The following PRPSAP1 variants were observed in gnomAD, a reference collection of about 807,000 sequenced individuals.
PRPSAP1 encodes the protein phosphoribosyl pyrophosphate synthase-associated protein 1.
A neutral mutation model predicts 39.4 loss-of-function variants in PRPSAP1; 31 were observed. The ratio of observed to expected loss-of-function variants is 0.79; its 90% CI spans 0.59 to 1.06. The LOEUF (loss-of-function observed/expected upper bound fraction) is 1.06. Ranked by LOEUF, PRPSAP1 falls within the 50% of genes least tolerant of loss-of-function variation. PRPSAP1 has a pLI of 0.00. For missense variants in PRPSAP1, 430 were observed against 511.6 expected (o/e 0.84, Z 1.54); for synonymous variants, 212 against 192.6 (o/e 1.10, Z -0.83).
intron 8 of PRPSAP1, 147 bp from the exon 9 acceptor site, chr17:76,313,163 G>T: frequency 1.8e-6 from 2 of 1,084,136 alleles, no homozygotes; most frequent in Non-Finnish European, 2.5e-6. Flanking sequence ...CAAAGAACGA[G>T]CATCCAGAAA....
At chr17:76,335,032 C>A (rs1280221563) in intron 3 of PRPSAP1, among the ~76,000 whole-genome samples, 3 of 152,202 alleles carry the variant, frequency 2.0e-5, no homozygotes, top group African/African-American at 7.2e-5. Flanking sequence ...ACTCATTCTT[C>A]CCAAGAAGGA....
intron 7 of PRPSAP1, among the ~76,000 whole-genome samples, chr17:76,326,532 A>C (rs926519170): frequency 6.6e-6 from 1 of 152,182 alleles, no homozygotes; most frequent in Non-Finnish European, 1.5e-5. Flanking sequence ...GCATAACCTG[A>C]ATCTAATCCT....
At chr17:76,327,768 A>G (rs1288599008) in intron 7 of PRPSAP1, among the ~76,000 whole-genome samples, 1 of 152,022 alleles carries the variant, frequency 6.6e-6, no homozygotes, top group African/African-American at 2.4e-5. Flanking sequence ...ACCATCACAC[A>G]TACAACTTTT....
intron 3 of PRPSAP1, among the ~76,000 whole-genome samples, chr17:76,344,425 A>T (rs949498493): frequency 1.3e-5 from 2 of 150,606 alleles, no homozygotes; most frequent in Admixed American, 1.3e-4. Flanking sequence ...CATCGTGCCC[A>T]GCCAGCAATT....
intron 9 of PRPSAP1, 74 bp downstream of exon 9, chr17:76,312,796 A>G (rs913157178): frequency 3.3e-6 from 5 of 1,536,174 alleles, no homozygotes; most frequent in African/African-American, 2.8e-5. Flanking sequence ...GCAATTTAGT[A>G]TTGACTGAAT....
chr17:76,317,127 A>G (rs949192040), intron 7 of PRPSAP1, among the ~76,000 whole-genome samples: 2 of 152,210 alleles, frequency 1.3e-5, no homozygotes, highest in Non-Finnish European at 2.9e-5. Flanking sequence ...ACTTTGGCAG[A>G]TCACCTGAGG....
intron 3 of PRPSAP1, among the ~76,000 whole-genome samples, chr17:76,339,126 T>C (rs2071408722): frequency 6.6e-6 from 1 of 151,814 alleles, no homozygotes; most frequent in Non-Finnish European, 1.5e-5. Context: ...GTTTATTGAC[T>C]GGGCACGGTG....
Position 76,311,425 on chromosome 17 carries a change from A to C in PRPSAP1, c.*117T>G. On this transcript the variant is annotated 3_prime_UTR_variant, in exon 10 of 10. Transcript: ENST00000446526. ...CCTCCCCATCAATCCGGGCAAAAGA[A>C]GATATCTAACTCCAGGCTGTTTCGA... The C allele has an allele frequency of 1.7e-6, 2 of 1,147,726 alleles. No individual in the cohort carries two copies. Among genetic ancestry groups the C allele is most frequent in the Non-Finnish European group, 2.4e-6 (2 of 833,192 alleles). The allele number at this position is 1,147,726 out of a possible 1,614,324, so 71.1% of individuals were successfully genotyped here.
chr17:76,321,172 T>C (rs1567799664), intron 7 of PRPSAP1, among the ~76,000 whole-genome samples: 1 of 152,198 alleles, frequency 6.6e-6, no homozygotes, highest in Non-Finnish European at 1.5e-5. Context: ...TTTCTCATTA[T>C]TGTTACGTCT....
chr17:76,338,762 G>C (rs572287489), intron 3 of PRPSAP1, among the ~76,000 whole-genome samples: 2 of 150,902 alleles, frequency 1.3e-5, no homozygotes, highest in Non-Finnish European at 3.0e-5. Context: ...GGCCAGGCAT[G>C]GTGGCTCATG....
chr17:76,322,775 CAGG>C (rs2071211981), intron 7 of PRPSAP1, among the ~76,000 whole-genome samples: 2 of 152,012 alleles, frequency 1.3e-5, no homozygotes, highest in Admixed American at 6.6e-5. Flanking sequence ...TGCTTGAGCC[CAGG>C]AGTTCATGAC....
Position 76,334,038 on chromosome 17 carries a change from G to A in PRPSAP1, c.291-1603C>T, listed in dbSNP as rs141780358. On this transcript the variant is annotated intron_variant, in intron 3 of 9. Coordinates refer to ENST00000446526, the MANE Select transcript of PRPSAP1 (RefSeq NM_002766.3). ...CAAAGCACTGGGATTACAGGCATGC[G>A]CCACCATTCCCAGACAGGCTCTTCC... is the stretch of plus-strand genomic sequence containing the variant. Among the ~76,000 whole-genome samples the A allele has an allele frequency of 3.2e-3, 482 of 152,290 alleles. 1 individual carries two copies. The highest frequency in any genetic ancestry group is 0.011 in the African/African-American group (444 of 41,546).
In PRPSAP1 at chr17:76,330,133, G is replaced by C. The variant is rs754170194; in HGVS notation, c.580-35C>G. ...AAGGAAAAATAGAAAATACTGAAAA[G>C]TTATCAGAAAATAACACCTGGATGC... On this transcript the variant is annotated intron_variant, in intron 5 of 9. Transcript: ENST00000446526. 47 of 1,577,092 alleles carry C rather than the reference G, an allele frequency of 3.0e-5. 2 individuals are homozygous for C. The South Asian group carries it at 5.1e-4, about 17-fold the overall frequency.
chr17:76,324,075 A>T (rs1478540005), intron 7 of PRPSAP1, among the ~76,000 whole-genome samples: 1 of 151,140 alleles, frequency 6.6e-6, no homozygotes, highest in East Asian at 1.9e-4. Flanking sequence ...CCCAGGAGGC[A>T]GAAGTTGCAG....
In PRPSAP1 at chr17:76,311,425, A is replaced by G. The variant is rs9498; in HGVS notation, c.*117T>C. 57,975 of 1,147,286 alleles carry G rather than the reference A, an allele frequency of 0.051. 5,192 individuals are homozygous for G. The highest frequency in any genetic ancestry group is 0.37 in the African/African-American group (23,659 of 63,492). The allele number at this position is 1,147,286 out of a possible 1,614,324, so 71.1% of individuals were successfully genotyped here. On this transcript the variant is annotated 3_prime_UTR_variant, in exon 10 of 10. Coordinates refer to ENST00000446526, the MANE Select transcript of PRPSAP1 (RefSeq NM_002766.3). ...CCTCCCCATCAATCCGGGCAAAAGA[A>G]GATATCTAACTCCAGGCTGTTTCGA...
In PRPSAP1 at chr17:76,311,466, G is replaced by C; in HGVS notation, c.*76C>G. On this transcript the variant is annotated 3_prime_UTR_variant, in exon 10 of 10. Coordinates refer to ENST00000446526, the MANE Select transcript of PRPSAP1 (RefSeq NM_002766.3). ...GCTGTTTCGAGTCCTCCCTTGCAAG[G>C]AAACACTGTATCACTCATGGCACTG... 1 of 1,482,624 alleles carries C rather than the reference G, an allele frequency of 6.7e-7. No homozygotes were observed. Among genetic ancestry groups the C allele is most frequent in the South Asian group, 1.3e-5 (1 of 74,270 alleles). The allele number at this position is 1,482,624 out of a possible 1,614,324, so 91.8% of individuals were successfully genotyped here. A position where few individuals can be genotyped will look rare whatever the true frequency, so the allele number is the denominator to read the frequency against.
intron 8 of PRPSAP1, 159 bp downstream of exon 8, chr17:76,313,662 G>C: frequency 1.4e-6 from 1 of 701,690 alleles, no homozygotes; most frequent in Non-Finnish European, 2.4e-6. Flanking sequence ...TGTTCACCTG[G>C]ATACAGGTTT....
intron 2 of PRPSAP1, among the ~76,000 whole-genome samples, chr17:76,345,087 T>C (rs1350884510): frequency 6.6e-6 from 1 of 150,822 alleles, no homozygotes; most frequent in Admixed American, 6.6e-5. Context: ...CACAAAAAAT[T>C]AGCCGGGCGT....
chr17:76,340,700 G>A (rs2071426551), intron 3 of PRPSAP1, among the ~76,000 whole-genome samples: 1 of 152,040 alleles, frequency 6.6e-6, no homozygotes, highest in Non-Finnish European at 1.5e-5. Flanking sequence ...AGACCAGCCT[G>A]ACCAACATGG....
Sources: allele counts gnomAD v4.1 joint callset (sites outside exome capture counted in the v4.1 genomes callset), GRCh38; gene constraint gnomAD v4.1.1; transcripts MANE v1.5; gene names NCBI Gene and HGNC (gene_info 2026-07-23, HGNC 2026-07-21).